GOLIM4: variants seen among roughly 807,000 people sequenced by gnomAD.
The protein encoded by GOLIM4 is 130 kDa golgi-localized phosphoprotein.
In GOLIM4, 71 loss-of-function variants were observed where a neutral mutation model predicts 107.4. The ratio of observed to expected loss-of-function variants is 0.66; its 90% confidence interval spans 0.55 to 0.81. The LOEUF is 0.81. Ranked by LOEUF, GOLIM4 falls within the 30% of genes least tolerant of loss-of-function variation. The pLI is 0.00. For missense variants in GOLIM4, 830 were observed against 826.1 expected (o/e 1.00, Z -0.06); for synonymous variants, 327 against 294.8 (o/e 1.11, Z -1.12).
At chr3:168,088,014 T>C (rs1021130192) in intron 1 of GOLIM4, among the ~76,000 whole-genome samples, 1 of 152,192 alleles carries the variant, frequency 6.6e-6, no homozygotes, top group African/African-American at 2.4e-5. Context: ...ATAATAAAGC[T>C]ATATGATATA....
Position 168,032,750 on chromosome 3 carries a change from C to G in GOLIM4, c.946G>C (p.Ala316Pro), listed in dbSNP as rs1718405851. Residue 316 changes from alanine to proline, a missense_variant, in exon 9 of 16, where the codon GCT becomes CCT. Transcript: ENST00000470487. ...TCTTGTTGGATTGGCTCTGGGGGAGCCTGAAATTCTGCCTCCTTATGGGTG... is the reference window on the plus strand; with the variant it reads ...TCTTGTTGGATTGGCTCTGGGGGAGGCTGAAATTCTGCCTCCTTATGGGTG... ...APTHKEAEFQ[A>P]PPEPIQQEVE... is the part of the protein sequence containing the mutation. The G allele has an allele frequency of 6.2e-7, 1 of 1,613,980 alleles. No individual in the cohort carries two copies.
chr3:168,067,726 T>C (rs191972334), intron 1 of GOLIM4, among the ~76,000 whole-genome samples: 58 of 152,192 alleles, frequency 3.8e-4, no homozygotes, highest in Admixed American at 5.9e-4. Flanking sequence ...TGAATGAACG[T>C]AGTTGCCAAA....
rs577100867 is a variant in GOLIM4, at chr3:168,031,022, A to G, written c.1177-986T>C. 3.9e-5 allele frequency among the ~76,000 whole-genome samples: 6 copies of G among 152,376 alleles called. No individual in the cohort carries two copies. In the South Asian group the frequency reaches 6.2e-4, roughly 16 times the overall value. On this transcript the variant is annotated intron_variant, in intron 9 of 15. Transcript: ENST00000470487. The stretch of plus-strand genomic sequence containing the variant: ...TGGTACATATACACAGTCATAAAAA[A>G]GAATGAAATCTTGTCATACGCAGTG...
At chr3:168,025,469 G>A (rs1717944560) in intron 12 of GOLIM4, among the ~76,000 whole-genome samples, 1 of 152,148 alleles carries the variant, frequency 6.6e-6, no homozygotes, top group African/African-American at 2.4e-5. Context: ...GATTTAGATG[G>A]GCAATTAACT....
At chr3:168,015,772 G>A (rs1432363050) in intron 14 of GOLIM4, among the ~76,000 whole-genome samples, 2 of 133,378 alleles carry the variant, frequency 1.5e-5, no homozygotes, top group African/African-American at 4.0e-5. Context: ...ACAAACCTGA[G>A]AAAAACAAGC....
intron 1 of GOLIM4, among the ~76,000 whole-genome samples, chr3:168,075,493 T>G (rs1346148271): frequency 6.6e-6 from 1 of 151,234 alleles, no homozygotes; most frequent in African/African-American, 2.4e-5. Context: ...AGAGACGGGG[T>G]TTCACCGTTT....
chr3:168,067,586 T>G (rs1399364331), intron 1 of GOLIM4, among the ~76,000 whole-genome samples: 3 of 151,832 alleles, frequency 2.0e-5, no homozygotes, highest in African/African-American at 7.3e-5. Context: ...GAACGGCGTA[T>G]TTTATTCTGT....
chr3:168,067,071 G>GT (rs1253319608), intron 1 of GOLIM4, among the ~76,000 whole-genome samples: 1 of 151,994 alleles, frequency 6.6e-6, no homozygotes, highest in Non-Finnish European at 1.5e-5. Context: ...AATTAAGACA[G>GT]TTTTTAGTCA....
intron 7 of GOLIM4, among the ~76,000 whole-genome samples, chr3:168,039,525 A>G (rs1026835749): frequency 3.3e-5 from 5 of 152,092 alleles, no homozygotes; most frequent in African/African-American, 1.2e-4. Context: ...CGGCCTCCCA[A>G]AGTGCTGGGA....
intron 3 of GOLIM4, among the ~76,000 whole-genome samples, chr3:168,045,593 A>G (rs1719253877): frequency 2.0e-5 from 3 of 152,130 alleles, no homozygotes; most frequent in Admixed American, 1.3e-4. Flanking sequence ...CCGGGCAGCC[A>G]TAACCAGTCA....
intron 1 of GOLIM4, among the ~76,000 whole-genome samples, chr3:168,090,182 T>TG (rs1421594922): frequency 6.6e-6 from 1 of 151,904 alleles, no homozygotes; most frequent in East Asian, 1.9e-4. Context: ...AGGAGCCCAA[T>TG]GCAAAAAACA....
chr3:168,079,084 G>C (rs1046521154), intron 1 of GOLIM4, among the ~76,000 whole-genome samples: 1 of 152,036 alleles, frequency 6.6e-6, no homozygotes. Context: ...TGTTGCATTA[G>C]CTTAAAATAG....
Position 168,095,389 on chromosome 3 carries a change from A to G in GOLIM4, c.-104T>C. ...GCCGCAGTAGGTGGCCAGACGCAGC[A>G]TGAGGAGGAGATGCCAGACACAAAA... On this transcript the variant is annotated 5_prime_UTR_variant, in exon 1 of 16. It removes an upstream start codon present in the reference 5' UTR. Transcript: ENST00000470487. 2.1e-6 allele frequency: 2 copies of G among 930,420 alleles called. No homozygotes were observed. The highest frequency in any genetic ancestry group is 3.3e-6 in the Non-Finnish European group (2 of 613,292). 57.6% of individuals were successfully genotyped at this position (930,420 alleles called of 1,614,324 possible).
rs375951408 is a variant in GOLIM4, at chr3:168,027,781, G to T, written c.1570C>A (p.His524Asn). 1.3e-5 allele frequency: 21 copies of T among 1,613,646 alleles called. No homozygotes were observed. In the East Asian group the frequency reaches 1.8e-4, roughly 14 times the overall value. ...DEAEGDPGNR[H>N]EPREQGPREA... ...CGGGGTCCTTGTTCACGAGGCTCAT[G>T]TCTATTACCTGGATCTCCTTCTGCT... Residue 524 changes from histidine (H) to asparagine (N), a missense_variant, in exon 12 of 16, where the codon CAT becomes AAT. Physicochemically the swap from His to Asn is moderately conservative, Grantham distance 68. Coordinates refer to ENST00000470487, the MANE Select transcript of GOLIM4 (RefSeq NM_014498.5).
At chr3:168,089,429 T>C (rs1002105395) in intron 1 of GOLIM4, among the ~76,000 whole-genome samples, 2 of 152,234 alleles carry the variant, frequency 1.3e-5, no homozygotes. Context: ...AAATGCAAGC[T>C]ACACCCTTCT....
chr3:168,038,624 T>G (rs1236797735), intron 7 of GOLIM4, among the ~76,000 whole-genome samples: 1 of 152,204 alleles, frequency 6.6e-6, no homozygotes, highest in Non-Finnish European at 1.5e-5. Context: ...ACTCACAAGG[T>G]TGTGAGGATT....
At chr3:168,085,885 G>A (rs1435900665) in intron 1 of GOLIM4, among the ~76,000 whole-genome samples, 1 of 151,990 alleles carries the variant, frequency 6.6e-6, no homozygotes, top group African/African-American at 2.4e-5. Context: ...TATGTTGGCT[G>A]TGTTGAGGGC....
intron 2 of GOLIM4, among the ~76,000 whole-genome samples, chr3:168,047,339 C>G (rs746895955): frequency 6.6e-6 from 1 of 152,146 alleles, no homozygotes; most frequent in Non-Finnish European, 1.5e-5. Context: ...TGATTTATTG[C>G]TATCCACTAG....
At chr3:168,074,218 T>C (rs13082047) in intron 1 of GOLIM4, among the ~76,000 whole-genome samples, 86,557 of 152,052 alleles carry the variant, frequency 0.57, 26,457 homozygotes, top group African/African-American at 0.76. Flanking sequence ...CTGAGAAACC[T>C]AGGACTAGAA....
Sources: allele counts gnomAD v4.1 joint callset (sites outside exome capture counted in the v4.1 genomes callset), GRCh38; gene constraint gnomAD v4.1.1; transcripts MANE v1.5; gene names NCBI Gene and HGNC (gene_info 2026-07-23, HGNC 2026-07-21).